Variants in EFHC1 observed in about 807,000 individuals in gnomAD.
The protein encoded by EFHC1 is EF-hand domain-containing protein 1.
Under a neutral mutation model 69.9 loss-of-function variants are expected in EFHC1, and 53 were observed. The observed-to-expected ratio is 0.76, with a 90% CI of 0.61 to 0.95. The LOEUF (loss-of-function observed/expected upper bound fraction) is 0.95, where lower values mean the gene tolerates loss of function less well. EFHC1 is among the 40% of genes least tolerant of loss of function. The pLI is 0.00. For missense variants in EFHC1, 739 were observed against 798.7 expected, an observed-to-expected ratio of 0.93 and a Z score of 0.90; for synonymous variants, 256 against 278.4, an observed-to-expected ratio of 0.92 and a Z score of 0.80.
chr6:52,426,565 G>A (rs1764305152), intron 2 of EFHC1, among the ~76,000 whole-genome samples: 2 of 152,126 alleles, frequency 1.3e-5, no homozygotes, highest in Admixed American at 1.3e-4. Flanking sequence ...TTCCAACTCT[G>A]ACATCATTGA....
Position 52,496,139 on chromosome 6 carries a change from G to C in EFHC1, c.*3798G>C, listed in dbSNP as rs1009138199. The C allele has an allele frequency of 6.2e-6, 1 of 162,576 alleles. No individual in the cohort carries two copies. The highest frequency in any genetic ancestry group is 1.7e-4 in the East Asian group (1 of 5,928). The allele number at this position is 162,576 out of a possible 1,614,324, so 10.1% of individuals were successfully genotyped here. Reference sequence around the variant, plus strand: ...TTACCCTGTAGCAAGCAATATTGTAGGAAGCAGAAATGATCATCACTTCAA... The same window carrying C: ...TTACCCTGTAGCAAGCAATATTGTACGAAGCAGAAATGATCATCACTTCAA... On this transcript the variant is annotated 3_prime_UTR_variant, in exon 11 of 11. Transcript: ENST00000371068.
intron 3 of EFHC1, among the ~76,000 whole-genome samples, chr6:52,444,149 A>T (rs556396135): frequency 6.6e-6 from 1 of 152,308 alleles, no homozygotes. Flanking sequence ...GTATCCTGAG[A>T]CTTTGCTGAA....
chr6:52,427,338 A>G (rs9357733), intron 2 of EFHC1, among the ~76,000 whole-genome samples: 28,823 of 151,996 alleles, frequency 0.19, 3,160 homozygotes, highest in Admixed American at 0.33. Context: ...CTCACCTATC[A>G]TGTTTCAATA....
In EFHC1 at chr6:52,454,615, C is replaced by G. The variant is rs116969796; in HGVS notation, c.916+328C>G. Among the ~76,000 whole-genome samples the G allele has an allele frequency of 2.8e-4, 43 of 152,256 alleles. 2 individuals carry two copies. The East Asian group carries it at 8.3e-3, about 29-fold the overall frequency. On this transcript the variant is annotated intron_variant, in intron 5 of 10. Coordinates refer to ENST00000371068, the MANE Select transcript of EFHC1 (RefSeq NM_018100.4). ...TTTTTCAAACAGGCTTGTTTTCATTCAAGGATATGAATGAAAGCTTAGCTT... is the reference window on the plus strand; with the variant it reads ...TTTTTCAAACAGGCTTGTTTTCATTGAAGGATATGAATGAAAGCTTAGCTT...
chr6:52,437,806 A>G (rs1362306008), intron 2 of EFHC1: 2 of 168,208 alleles, frequency 1.2e-5, no homozygotes, highest in Non-Finnish European at 2.5e-5. Context: ...GTTTAACCTT[A>G]ATTACCTCCT....
At chr6:52,467,471 G>A (rs1581839876) in intron 6 of EFHC1, among the ~76,000 whole-genome samples, 2 of 152,180 alleles carry the variant, frequency 1.3e-5, no homozygotes, top group South Asian at 2.1e-4. Flanking sequence ...ATGAGCCACC[G>A]CACCGGCCTG....
intron 5 of EFHC1, among the ~76,000 whole-genome samples, chr6:52,455,660 A>T (rs1036658133): frequency 1.3e-5 from 2 of 152,116 alleles, no homozygotes. Flanking sequence ...TCTCAAAAAA[A>T]AAAAGAAAAA....
intron 9 of EFHC1, chr6:52,488,509 A>G (rs1251604127): frequency 6.6e-6 from 1 of 152,238 alleles, no homozygotes; most frequent in Non-Finnish European, 1.5e-5. Flanking sequence ...AAAGATGCAT[A>G]TAAAGTGGAA....
chr6:52,445,145 C>A (rs1764752485), intron 3 of EFHC1, among the ~76,000 whole-genome samples: 1 of 150,016 alleles, frequency 6.7e-6, no homozygotes, highest in Non-Finnish European at 1.5e-5. Context: ...ATGGTGATAT[C>A]CCCTTTATCA....
At position 52,422,933 on chromosome 6, in the gene EFHC1, C is replaced by G. The variant is rs375624415; in HGVS notation, c.64-1013C>G. On this transcript the variant is annotated intron_variant, in intron 1 of 10. Coordinates refer to ENST00000371068, the MANE Select transcript of EFHC1 (RefSeq NM_018100.4). Reference sequence around the variant, plus strand: ...TTTTCACCAGGTTGCCACGTGATCTCTAAAATCAATATTTTAATGACAGCA... The same window carrying G: ...TTTTCACCAGGTTGCCACGTGATCTGTAAAATCAATATTTTAATGACAGCA... Among the ~76,000 whole-genome samples, 38 of 152,264 alleles carry G rather than the reference C, an allele frequency of 2.5e-4. 1 individual carries two copies. In the South Asian group the frequency reaches 7.5e-3, roughly 30 times the overall value.
At chr6:52,458,817 A>G (rs1581834114) in intron 5 of EFHC1, among the ~76,000 whole-genome samples, 2 of 152,230 alleles carry the variant, frequency 1.3e-5, no homozygotes, top group South Asian at 4.1e-4. Context: ...TGTTTATTGC[A>G]GCACTGTTCA....
chr6:52,445,383 TAG>T (rs1402067863), intron 3 of EFHC1, among the ~76,000 whole-genome samples: 7 of 152,042 alleles, frequency 4.6e-5, no homozygotes, highest in Admixed American at 4.6e-4. Context: ...TGTGCCATGC[TAG>T]TGTGCTGCAC....
intron 5 of EFHC1, among the ~76,000 whole-genome samples, chr6:52,455,894 G>A (rs1168981225): frequency 2.0e-5 from 3 of 152,180 alleles, no homozygotes; most frequent in African/African-American, 7.2e-5. Flanking sequence ...ATATACAGTA[G>A]TTAGAAGCAG....
chr6:52,427,050 T>C (rs575310570), intron 2 of EFHC1, among the ~76,000 whole-genome samples: 1 of 152,338 alleles, frequency 6.6e-6, no homozygotes, highest in East Asian at 1.9e-4. Context: ...TTCTTTCCCC[T>C]CACAATCCAC....
intron 9 of EFHC1, 98 bp from the exon 10 acceptor site, chr6:52,490,042 A>G (rs1350040787): frequency 3.6e-6 from 4 of 1,125,790 alleles, no homozygotes; most frequent in Admixed American, 1.9e-5. Flanking sequence ...CTGTGATTAG[A>G]AGCTTCCCTG....
Position 52,469,342 on chromosome 6 carries a change from C to A in EFHC1, c.1147C>A (p.Pro383Thr). 6.2e-7 allele frequency: 1 copy of A among 1,613,970 alleles called. No individual in the cohort carries two copies. Among genetic ancestry groups the A allele is most frequent in the Non-Finnish European group, 8.5e-7 (1 of 1,179,920 alleles). The change falls in exon 7 of 11, where the codon CCT (proline) becomes ACT (threonine). Residue 383 changes from proline (P) to threonine (T), a missense_variant. Physicochemically the swap from Pro to Thr is conservative, Grantham distance 38. Transcript: ENST00000371068. ...EPPPVKQELP[P>T]YNGFGLVEDS... ...TCCTATGTATCTCCAGGAGTTGCCT[C>A]CTTATAACGGTTTTGGACTAGTGGA...
Position 52,479,090 on chromosome 6 carries a change from A to G in EFHC1, c.1332A>G (p.Leu444=). ...KDRRFVFSYF[L]ATDMISIFEP... ...GCAGATTTGTCTTCTCTTACTTTCT[A>G]GCTACCGACATGATCAGTATCTTTG... Residue 444 remains leucine (L), a synonymous_variant, in exon 8 of 11, where the codon CTA becomes CTG. Transcript: ENST00000371068. 6.2e-7 allele frequency: 1 copy of G among 1,614,066 alleles called. No homozygotes were observed. The highest frequency in any genetic ancestry group is 8.5e-7 in the Non-Finnish European group (1 of 1,179,980).
At chr6:52,479,524 T>C in intron 8 of EFHC1, 116 bp from the exon 9 acceptor site, 14 of 1,472,798 alleles carry the variant, frequency 9.5e-6, no homozygotes, top group Non-Finnish European at 1.3e-5. Flanking sequence ...GAAAGCTCAT[T>C]AGTTTCTGTC....
intron 5 of EFHC1, 99 bp from the exon 6 acceptor site, chr6:52,464,796 A>G: frequency 1.0e-6 from 1 of 984,916 alleles, no homozygotes; most frequent in Non-Finnish European, 1.6e-6. Flanking sequence ...AAAAGACTGC[A>G]CTCCCTCAGG....
Sources: gnomAD v4.1 joint callset for allele counts (sites outside exome capture counted in the v4.1 genomes callset) on GRCh38, gnomAD v4.1.1 for gene constraint, MANE v1.5 for transcripts, NCBI Gene and HGNC (gene_info 2026-07-23, HGNC 2026-07-21) for gene names.